The following ZBTB46 variants were observed in gnomAD, a reference collection of about 807,000 sequenced individuals.
ZBTB46 encodes zinc finger and BTB domain-containing protein 46.
A neutral mutation model predicts 44.1 loss-of-function variants in ZBTB46; 8 were observed. The ratio of observed to expected loss-of-function variants is 0.18; its 90% CI spans 0.11 to 0.33. The LOEUF (loss-of-function observed/expected upper bound fraction) is 0.33. ZBTB46 is among the 10% of genes least tolerant of loss of function. ZBTB46 has a pLI of 1.00. For missense variants in ZBTB46, 651 were observed against 847.7 expected (o/e 0.77, Z 2.88); for synonymous variants, 409 against 382.3 (o/e 1.07, Z -0.81).
At chr20:63,791,800 T>A (rs1384159460) in intron 1 of ZBTB46, among the ~76,000 whole-genome samples, 1 of 152,336 alleles carries the variant, frequency 6.6e-6, no homozygotes, top group Non-Finnish European at 1.5e-5. Flanking sequence ...GAATCATTTC[T>A]GAATTGGGTA....
intron 4 of ZBTB46, among the ~76,000 whole-genome samples, chr20:63,748,583 C>G (rs960798083): frequency 1.3e-5 from 2 of 152,190 alleles, no homozygotes; most frequent in African/African-American, 4.8e-5. Context: ...ACCGAGAGGG[C>G]AGGACCCACA....
rs775508001 is a variant in ZBTB46, at chr20:63,746,646, A to G, written c.*284T>C. 5 of 414,800 alleles carry G rather than the reference A, an allele frequency of 1.2e-5. No individual in the cohort carries two copies. Among genetic ancestry groups the G allele is most frequent in the Non-Finnish European group, 1.7e-5 (4 of 236,562 alleles). 25.7% of individuals were successfully genotyped at this position (414,800 alleles called of 1,614,324 possible). A position where few individuals can be genotyped will look rare whatever the true frequency, so the allele number is the denominator to read the frequency against. On this transcript the variant is annotated 3_prime_UTR_variant, in exon 5 of 5. Transcript: ENST00000245663. ...TGGCCATCACAGGGGCCACTCACAC[A>G]CCCGCACCACCTGCTGGGGACTTAG...
chr20:63,776,503 G>T (rs968249410), intron 2 of ZBTB46, among the ~76,000 whole-genome samples: 1 of 152,160 alleles, frequency 6.6e-6, no homozygotes, highest in African/African-American at 2.4e-5. Context: ...TGCTTCAAAG[G>T]ATACTACCAA....
At position 63,746,749 on chromosome 20, in the gene ZBTB46, C is replaced by CT; in HGVS notation, c.*180dup. On this transcript the variant is annotated 3_prime_UTR_variant, in exon 5 of 5. Transcript: ENST00000245663. ...TCATGTCTGGTCCCAGAGCACCCCT[C>CT]TTGCTGGGGTCGCACCTGCTTAGCC... 1.0e-6 allele frequency: 1 copy of CT among 984,368 alleles called. No individual in the cohort carries two copies. Among genetic ancestry groups the CT allele is most frequent in the Non-Finnish European group, 1.4e-6 (1 of 711,886 alleles). The allele number at this position is 984,368 out of a possible 1,614,324, so 61.0% of individuals were successfully genotyped here. A position where few individuals can be genotyped will look rare whatever the true frequency, so the allele number is the denominator to read the frequency against.
chr20:63,749,158 C>T (rs2092134267), intron 4 of ZBTB46, among the ~76,000 whole-genome samples: 2 of 152,208 alleles, frequency 1.3e-5, no homozygotes, highest in African/African-American at 4.8e-5. Flanking sequence ...GAGCTCTAAG[C>T]CTGGACCGGG....
At position 63,789,880 on chromosome 20, in the gene ZBTB46, C is replaced by G. The variant is rs1209205319; in HGVS notation, c.878G>C (p.Ser293Thr). ...CGGCAGGAAGGACGGCACCGGGGAG[C>G]TGGCCCGGCTGTCATCTTCCACCTG... is the stretch of plus-strand genomic sequence containing the variant. ...TQQVEDDSRASSPVPSFLPTS... is the reference protein window; with the variant it reads ...TQQVEDDSRATSPVPSFLPTS... Residue 293 changes from serine (S) to threonine (T), a missense_variant, in exon 2 of 5, where the codon AGC becomes ACC. Ser to Thr is a moderately conservative substitution (Grantham distance 58). Transcript: ENST00000245663. 9 of 1,613,610 alleles carry G rather than the reference C, an allele frequency of 5.6e-6. No individual in the cohort carries two copies. The highest frequency in any genetic ancestry group is 1.7e-5 in the Admixed American group (1 of 60,008).
Position 63,743,967 on chromosome 20 carries a change from T to C in ZBTB46, c.*2963A>G, listed in dbSNP as rs1374686474. ...ATCCCCAGAAAAAAATCAACAATCT[T>C]CAAACACTGCCCTTTTTTTGTGTGT... On this transcript the variant is annotated 3_prime_UTR_variant, in exon 5 of 5. Coordinates refer to ENST00000245663, the MANE Select transcript of ZBTB46 (RefSeq NM_001369741.1). 1 of 152,732 alleles carries C rather than the reference T, an allele frequency of 6.5e-6. No homozygotes were observed. Among genetic ancestry groups the C allele is most frequent in the East Asian group, 1.9e-4 (1 of 5,330 alleles). 9.5% of individuals were successfully genotyped at this position (152,732 alleles called of 1,614,324 possible).
At position 63,746,375 on chromosome 20, in the gene ZBTB46, T is replaced by TGG. The variant is rs1337583230; in HGVS notation, c.*553_*554dup. 3 of 152,548 alleles carry TGG rather than the reference T, an allele frequency of 2.0e-5. No homozygotes were observed. The highest frequency in any genetic ancestry group is 4.4e-5 in the Non-Finnish European group (3 of 68,230). 9.4% of individuals were successfully genotyped at this position (152,548 alleles called of 1,614,324 possible). A position where few individuals can be genotyped will look rare whatever the true frequency, so the allele number is the denominator to read the frequency against. ...GCACCAAAGCCCAGAGGTAAGACGG[T>TGG]GGCAGGGCTCTCTGTGCACCTGGAT... On this transcript the variant is annotated 3_prime_UTR_variant, in exon 5 of 5. Transcript: ENST00000245663.
intron 4 of ZBTB46, among the ~76,000 whole-genome samples, chr20:63,748,848 T>A (rs2092130739): frequency 1.3e-5 from 2 of 152,248 alleles, no homozygotes; most frequent in African/African-American, 4.8e-5. Context: ...TTTTCTCCCA[T>A]GAGCAAGTAC....
chr20:63,765,480 G>T (rs1246756294), intron 3 of ZBTB46, among the ~76,000 whole-genome samples: 1 of 152,250 alleles, frequency 6.6e-6, no homozygotes, highest in Admixed American at 6.5e-5. Flanking sequence ...CCCAGCTGGA[G>T]TGCAGTGGTG....
chr20:63,790,527 G>T lies in ZBTB46; in HGVS notation c.231C>A (p.Ile77=). Residue 77 remains isoleucine, a synonymous_variant, in exon 2 of 5, where the codon ATC becomes ATA. Coordinates refer to ENST00000245663, the MANE Select transcript of ZBTB46 (RefSeq NM_001369741.1). ...SEQATVTHLD[I]VTAQGFKAII... is the part of the protein sequence containing the mutation. ...TGGCCTTGAAGCCCTGGGCCGTGAC[G>T]ATGTCCAGGTGCGTGACCGTGGCCT... is the stretch of plus-strand genomic sequence containing the variant. The T allele has an allele frequency of 6.2e-7, 1 of 1,612,726 alleles. No homozygotes were observed. The highest frequency in any genetic ancestry group is 8.5e-7 in the Non-Finnish European group (1 of 1,179,234).
chr20:63,832,413 C>G (rs951055504), upstream of ZBTB46, among the ~76,000 whole-genome samples: 13 of 152,330 alleles, frequency 8.5e-5, no homozygotes, highest in African/African-American at 2.9e-4. The surrounding 1 kb of genome is among the most constrained non-coding windows in gnomAD (Gnocchi z 5.0). Context: ...GCGCCCGGGC[C>G]GTCCAGCCTG....
intron 3 of ZBTB46, among the ~76,000 whole-genome samples, chr20:63,764,356 A>T (rs1218450839): frequency 6.6e-6 from 1 of 151,976 alleles, no homozygotes; most frequent in Non-Finnish European, 1.5e-5. Context: ...GAATCACTTG[A>T]ACTCGGGAGG....
chr20:63,814,177 G>A (rs2092734011), intron 1 of ZBTB46, among the ~76,000 whole-genome samples: 1 of 149,104 alleles, frequency 6.7e-6, no homozygotes, highest in Non-Finnish European at 1.5e-5. Flanking sequence ...AGCTTGCAGT[G>A]AGCCGAGATC....
At chr20:63,807,961 ACACT>A (rs2092692183) in intron 1 of ZBTB46, 1 of 149,374 alleles carries the variant, frequency 6.7e-6, no homozygotes. Flanking sequence ...CCCACAGGAG[ACACT>A]CACGGAAGCT....
At chr20:63,777,338 G>C (rs6122168) in intron 2 of ZBTB46, among the ~76,000 whole-genome samples, 82,815 of 152,020 alleles carry the variant, frequency 0.54, 22,716 homozygotes, top group South Asian at 0.62. Context: ...GTGGTGGGTT[G>C]TGCCTGTGGT....
intron 1 of ZBTB46, among the ~76,000 whole-genome samples, chr20:63,812,196 A>G (rs1175081792): frequency 6.6e-6 from 1 of 152,238 alleles, no homozygotes; most frequent in African/African-American, 2.4e-5. Flanking sequence ...ATCAACTTGA[A>G]ATAAGAAAAT....
intron 1 of ZBTB46, among the ~76,000 whole-genome samples, chr20:63,819,001 G>A (rs912028411): frequency 1.1e-4 from 16 of 151,730 alleles, no homozygotes; most frequent in Admixed American, 3.9e-4. Context: ...GTGAAACCCC[G>A]TTTCTACTAC....
rs543054225 is a variant in ZBTB46 at position 63,775,850 on chromosome 20, G to A, written c.1050C>T (p.Gly350=). The change falls in exon 3 of 5, where the codon GGC becomes GGT. Residue 350 remains glycine (G), a synonymous_variant. Coordinates refer to ENST00000245663, the MANE Select transcript of ZBTB46 (RefSeq NM_001369741.1). ...GLLGGEASYL[G]PPLTPEKDDA... ...CGTCCTTCTCTGGGGTGAGGGGAGG[G>A]CCCAGATAGCTGGCTTCTCCTCCCA... 1 of 1,613,398 alleles carries A rather than the reference G, an allele frequency of 6.2e-7. No individual in the cohort carries two copies. Among genetic ancestry groups the A allele is most frequent in the Admixed American group, 1.7e-5 (1 of 60,024 alleles).
Sources: allele counts gnomAD v4.1 joint callset (sites outside exome capture counted in the v4.1 genomes callset), GRCh38; gene constraint gnomAD v4.1.1; non-coding constraint Gnocchi (gnomAD v3.1); transcripts MANE v1.5; gene names NCBI Gene and HGNC (gene_info 2026-07-23, HGNC 2026-07-21).